The following TRIM71 variants were observed in gnomAD, a reference collection of about 807,000 sequenced individuals.
TRIM71 encodes the protein E3 ubiquitin-protein ligase TRIM71.
A neutral mutation model predicts 61.2 loss-of-function variants in TRIM71; 9 were observed. That is an observed-to-expected ratio of 0.15 (90% CI 0.09 to 0.26). TRIM71 has a LOEUF of 0.26. Ranked by LOEUF, TRIM71 falls within the 10% of genes least tolerant of loss-of-function variation. The probability of loss-of-function intolerance (pLI) is 1.00; values close to 1 mark genes in which losing one functional copy is unlikely to be tolerated. For synonymous variants in TRIM71, 645 were observed against 553.2 expected (o/e 1.17, Z -2.33); for missense variants, 998 against 1,238.7 (o/e 0.81, Z 2.92).
rs768240074 is a variant in TRIM71 at position 32,818,145 on chromosome 3, C to T, written c.65C>T (p.Pro22Leu). The change falls in exon 1 of 4, where the codon CCG (proline) becomes CTG (leucine). Residue 22 changes from proline (P) to leucine (L), a missense_variant. By Grantham distance (98) the Pro-to-Leu change is moderately conservative. Transcript: ENST00000383763. Reference protein sequence around the residue: ...CLLCKEMCGSPAPLSSNSSAS... With the variant: ...CLLCKEMCGSLAPLSSNSSAS... ...CTGTGCAAGGAGATGTGCGGCTCGC[C>T]GGCGCCGCTCTCCTCCAACTCGTCC... is the stretch of plus-strand genomic sequence containing the variant. The T allele has an allele frequency of 2.5e-6, 4 of 1,610,736 alleles. No individual in the cohort carries two copies. Among genetic ancestry groups the T allele is most frequent in the African/African-American group, 1.3e-5 (1 of 74,602 alleles).
At chr3:32,835,442 A>G (rs1268271323) in intron 1 of TRIM71, among the ~76,000 whole-genome samples, 2 of 151,996 alleles carry the variant, frequency 1.3e-5, no homozygotes, top group Non-Finnish European at 2.9e-5. Flanking sequence ...ATGAATGCTT[A>G]ATCAAAAGTA....
At chr3:32,819,035 G>T (rs531391381) in intron 1 of TRIM71, 103 bp downstream of exon 1, 4 of 1,330,256 alleles carry the variant, frequency 3.0e-6, no homozygotes, top group East Asian at 2.3e-5. Context: ...GCCCTCTCCG[G>T]ATTTGGTTTG....
chr3:32,822,076 C>A (rs890532362), intron 1 of TRIM71, among the ~76,000 whole-genome samples: 4 of 151,972 alleles, frequency 2.6e-5, no homozygotes, highest in African/African-American at 9.7e-5. Flanking sequence ...GCCTTGGAGG[C>A]GACACCGGCA....
Position 32,818,845 on chromosome 3 carries a change from G to A in TRIM71, c.765G>A (p.Gly255=). ...PGAAAAAQQL[G]LGPPFPGPPF... is the part of the protein sequence containing the mutation. ...CCGCAGCAGCGGCGCAGCAGCTCGGGCTCGGGCCGCCCTTTCCCGGCCCGC... is the reference window on the plus strand; with the variant it reads ...CCGCAGCAGCGGCGCAGCAGCTCGGACTCGGGCCGCCCTTTCCCGGCCCGC... Residue 255 remains glycine (G), a synonymous_variant, in exon 1 of 4, where the codon GGG becomes GGA. Coordinates refer to ENST00000383763, the MANE Select transcript of TRIM71 (RefSeq NM_001039111.3). 1 of 1,612,098 alleles carries A rather than the reference G, an allele frequency of 6.2e-7. No individual in the cohort carries two copies. The highest frequency in any genetic ancestry group is 8.5e-7 in the Non-Finnish European group (1 of 1,179,664).
At chr3:32,841,751 G>C (rs1218183294) in intron 1 of TRIM71, among the ~76,000 whole-genome samples, 1 of 152,138 alleles carries the variant, frequency 6.6e-6, no homozygotes, top group Non-Finnish European at 1.5e-5. Flanking sequence ...CCTTTTTCAA[G>C]AGGTTTGTGG....
intron 2 of TRIM71, among the ~76,000 whole-genome samples, chr3:32,877,019 G>A (rs893565968): frequency 3.3e-5 from 5 of 151,920 alleles, no homozygotes; most frequent in South Asian, 2.1e-4. Flanking sequence ...TTTGGGTAGA[G>A]GCATTTTAGG....
In TRIM71 at chr3:32,856,854, C is replaced by G. The variant is rs71325114; in HGVS notation, c.853-16964C>G. On this transcript the variant is annotated intron_variant, in intron 1 of 3. Transcript: ENST00000383763. ...TTACGGGCTCATGACCACGCCTTTTCTTTCTGGAACTGCCACGGACATTTT... is the reference window on the plus strand; with the variant it reads ...TTACGGGCTCATGACCACGCCTTTTGTTTCTGGAACTGCCACGGACATTTT... Among the ~76,000 whole-genome samples the G allele has an allele frequency of 4.4e-3, 677 of 152,324 alleles. 3 individuals are homozygous for G. Among genetic ancestry groups the G allele is most frequent in the South Asian group, 0.011 (51 of 4,820 alleles).
intron 2 of TRIM71, among the ~76,000 whole-genome samples, chr3:32,874,222 A>G (rs1429498790): frequency 6.6e-6 from 1 of 152,098 alleles, no homozygotes; most frequent in Non-Finnish European, 1.5e-5. Context: ...CTGGGCCCCA[A>G]CATACCACCT....
At chr3:32,877,992 G>C (rs192839635) in intron 2 of TRIM71, among the ~76,000 whole-genome samples, 1 of 152,180 alleles carries the variant, frequency 6.6e-6, no homozygotes, top group Non-Finnish European at 1.5e-5. Context: ...TACCACACAT[G>C]TTCTTAATGG....
intron 1 of TRIM71, among the ~76,000 whole-genome samples, chr3:32,831,536 C>CT (rs71068093): frequency 0.03 from 2,927 of 96,670 alleles, 196 homozygotes; most frequent in African/African-American, 0.099. Flanking sequence ...GCTTATCTTC[C>CT]TTTTTTTTTT....
intron 1 of TRIM71, among the ~76,000 whole-genome samples, chr3:32,844,606 G>A (rs557946281): frequency 1.3e-5 from 2 of 152,082 alleles, no homozygotes; most frequent in Non-Finnish European, 2.9e-5. Context: ...GTGACCCACC[G>A]AGCCTGGCCA....
Position 32,891,992 on chromosome 3 carries a change from C to T in TRIM71, c.*181C>T. 1.2e-6 allele frequency: 1 copy of T among 858,034 alleles called. No homozygotes were observed. The highest frequency in any genetic ancestry group is 1.7e-6 in the Non-Finnish European group (1 of 594,926). 53.2% of individuals were successfully genotyped at this position (858,034 alleles called of 1,614,324 possible). A position where few individuals can be genotyped will look rare whatever the true frequency, so the allele number is the denominator to read the frequency against. On this transcript the variant is annotated 3_prime_UTR_variant, in exon 4 of 4. Coordinates refer to ENST00000383763, the MANE Select transcript of TRIM71 (RefSeq NM_001039111.3). This position sits in a 1 kb window ranked among gnomAD's most constrained non-coding sequence, Gnocchi z 8.2. ...CAACATTGCTTAAGTCCTACCTCATCTTTATTTTTTTACAGATGAATGTAC... is the reference window on the plus strand; with the variant it reads ...CAACATTGCTTAAGTCCTACCTCATTTTTATTTTTTTACAGATGAATGTAC...
intron 1 of TRIM71, among the ~76,000 whole-genome samples, chr3:32,846,460 A>G (rs940989253): frequency 2.6e-5 from 4 of 152,216 alleles, no homozygotes; most frequent in Non-Finnish European, 5.9e-5. Context: ...ACATTGTGGA[A>G]TGATTATATT....
Position 32,818,095 on chromosome 3 carries a change from C to T in TRIM71, c.15C>T (p.Pro5=). The part of the protein sequence containing the change: MASF[P]ETDFQICLLC... The stretch of plus-strand genomic sequence containing the variant: ...CTGGGTTGCAAATGGCTTCGTTCCC[C>T]GAGACCGATTTCCAGATCTGCTTGC... Residue 5 remains proline (P), a synonymous_variant, in exon 1 of 4, where the codon CCC becomes CCT. Coordinates refer to ENST00000383763, the MANE Select transcript of TRIM71 (RefSeq NM_001039111.3). The T allele has an allele frequency of 1.2e-6, 2 of 1,610,242 alleles. No homozygotes were observed. Among genetic ancestry groups the T allele is most frequent in the South Asian group, 1.1e-5 (1 of 91,052 alleles).
At chr3:32,839,609 A>G (rs1054775283) in intron 1 of TRIM71, among the ~76,000 whole-genome samples, 1 of 122,284 alleles carries the variant, frequency 8.2e-6, no homozygotes, top group African/African-American at 3.2e-5. Context: ...TCCTCTGTGC[A>G]TAATTGTTGA....
chr3:32,888,080 TAAAACAA>T (rs1294774100), intron 3 of TRIM71, among the ~76,000 whole-genome samples: 2 of 152,126 alleles, frequency 1.3e-5, no homozygotes, highest in African/African-American at 4.8e-5. Context: ...GTTTCATTGG[TAAAACAA>T]AATTCCATAT....
rs996855422 is a variant in TRIM71, at chr3:32,886,139, G to T, written c.1155+71G>T. 7 of 1,489,328 alleles carry T rather than the reference G, an allele frequency of 4.7e-6. No homozygotes were observed. The East Asian group carries it at 1.4e-4, about 30-fold the overall frequency. 92.3% of individuals were successfully genotyped at this position (1,489,328 alleles called of 1,614,324 possible). A position where few individuals can be genotyped will look rare whatever the true frequency, so the allele number is the denominator to read the frequency against. ...CATGAACCTCAGCAGCACTCTACGG[G>T]ACTCTTTACAGATCCAGGAGCCAAG... On this transcript the variant is annotated intron_variant, in intron 3 of 3. Transcript: ENST00000383763.
At chr3:32,847,190 A>G (rs1223225185) in intron 1 of TRIM71, among the ~76,000 whole-genome samples, 1 of 107,142 alleles carries the variant, frequency 9.3e-6, no homozygotes, top group Non-Finnish European at 1.8e-5. Flanking sequence ...AGGTCCAGCA[A>G]TTTTTTTTTT....
Position 32,852,742 on chromosome 3 carries a change from A to G in TRIM71, c.853-21076A>G, listed in dbSNP as rs1010978537. 2.8e-5 allele frequency among the ~76,000 whole-genome samples: 4 copies of G among 144,216 alleles called. No homozygotes were observed. In the South Asian group the frequency reaches 6.8e-4, roughly 25 times the overall value. 94.6% of individuals were successfully genotyped at this position (144,216 alleles called of 152,430 possible). A position where few individuals can be genotyped will look rare whatever the true frequency, so the allele number is the denominator to read the frequency against. On this transcript the variant is annotated intron_variant, in intron 1 of 3. Transcript: ENST00000383763. ...TCTAACTGGGTAGAGGAAGGTTTAT[A>G]TTTGTATACTGTCTTTTAAAAAAAA...
Sources: allele counts gnomAD v4.1 joint callset (sites outside exome capture counted in the v4.1 genomes callset), GRCh38; gene constraint gnomAD v4.1.1; non-coding constraint Gnocchi (gnomAD v3.1); transcripts MANE v1.5; gene names NCBI Gene and HGNC (gene_info 2026-07-23, HGNC 2026-07-21).